GRM8: variants seen among roughly 807,000 people sequenced by gnomAD.
The protein encoded by GRM8 is glutamate metabotropic receptor 8.
Under a neutral mutation model 87.2 loss-of-function variants are expected in GRM8, and 47 were observed. That is an observed-to-expected ratio of 0.54 (90% CI 0.43 to 0.69). GRM8 has a LOEUF of 0.69. Ranked by LOEUF, GRM8 falls within the 30% of genes least tolerant of loss-of-function variation. The pLI is 0.00. For synonymous variants in GRM8, 396 were observed against 404.5 expected (o/e 0.98, Z 0.25); for missense variants, 1,019 against 1,139.2 (o/e 0.89, Z 1.52).
chr7:126,560,809 A>G (rs1297382752), intron 8 of GRM8, among the ~76,000 whole-genome samples: 1 of 152,222 alleles, frequency 6.6e-6, no homozygotes, highest in Non-Finnish European at 1.5e-5. Flanking sequence ...ATAGAAATGA[A>G]TCAAATGCAT....
At chr7:126,855,510 C>T (rs772964055) in intron 6 of GRM8, among the ~76,000 whole-genome samples, 1 of 142,752 alleles carries the variant, frequency 7.0e-6, no homozygotes, top group Non-Finnish European at 1.5e-5. Flanking sequence ...CTCGTTCTAT[C>T]CCCCAGCCAG....
Position 126,887,154 on chromosome 7 carries a change from T to C in GRM8, c.1156+15388A>G, listed in dbSNP as rs571725146. ...CAGAGAGTGTTTCAAGAAGTAGAGT[T>C]AGAGAGAAAGAATCAACTAGAGATA... is the stretch of plus-strand genomic sequence containing the variant. On this transcript the variant is annotated intron_variant, in intron 6 of 10. Transcript: ENST00000339582. Among the ~76,000 whole-genome samples, 10 of 152,144 alleles carry C rather than the reference T, an allele frequency of 6.6e-5. 1 individual carries two copies. Among genetic ancestry groups the C allele is most frequent in the Admixed American group, 5.9e-4 (9 of 15,268 alleles).
intron 2 of GRM8, among the ~76,000 whole-genome samples, chr7:127,233,466 C>G (rs1386818895): frequency 1.3e-5 from 2 of 152,112 alleles, no homozygotes; most frequent in Non-Finnish European, 2.9e-5. Context: ...GACGATAAAT[C>G]ACTCTGAAAA....
intron 3 of GRM8, among the ~76,000 whole-genome samples, chr7:127,091,411 G>A (rs916608): frequency 0.48 from 22,143 of 46,560 alleles, 3,326 homozygotes; most frequent in Non-Finnish European, 0.53. Context: ...CACCATCCCC[G>A]TCTCACTGAT....
At chr7:126,790,953 T>C (rs1372113001) in intron 6 of GRM8, among the ~76,000 whole-genome samples, 1 of 152,046 alleles carries the variant, frequency 6.6e-6, no homozygotes, top group Non-Finnish European at 1.5e-5. Flanking sequence ...TGCGGGGCAG[T>C]TGGTAGGAAA....
At chr7:126,759,327 C>T (rs1253857921) in intron 7 of GRM8, among the ~76,000 whole-genome samples, 3 of 152,106 alleles carry the variant, frequency 2.0e-5, no homozygotes, top group Admixed American at 6.6e-5. Context: ...AAGCAAAATA[C>T]TGCTACTGCT....
At chr7:126,503,863 T>C (rs902977940) in intron 9 of GRM8, among the ~76,000 whole-genome samples, 3 of 152,030 alleles carry the variant, frequency 2.0e-5, no homozygotes, top group African/African-American at 7.2e-5. Flanking sequence ...CACTGTTTGA[T>C]TCTCTAGCTC....
chr7:126,754,230 C>A (rs75697224), intron 7 of GRM8, among the ~76,000 whole-genome samples: 4,501 of 151,844 alleles, frequency 0.03, 254 homozygotes, highest in African/African-American at 0.1. Context: ...AAACACCTTT[C>A]CCATGGGGCC....
At chr7:126,977,521 A>G (rs1050502043) in intron 3 of GRM8, among the ~76,000 whole-genome samples, 28 of 152,378 alleles carry the variant, frequency 1.8e-4, no homozygotes, top group Non-Finnish European at 3.5e-4. Flanking sequence ...CTTCTTTGAT[A>G]TAATTCCTAA....
intron 7 of GRM8, among the ~76,000 whole-genome samples, chr7:126,718,050 G>C (rs748592904): frequency 2.0e-5 from 3 of 151,916 alleles, no homozygotes; most frequent in Non-Finnish European, 4.4e-5. Context: ...GGCCAACACG[G>C]TGAAACCCCG....
At chr7:127,106,143 T>G (rs1825786280) in intron 3 of GRM8, among the ~76,000 whole-genome samples, 1 of 152,246 alleles carries the variant, frequency 6.6e-6, no homozygotes, top group Non-Finnish European at 1.5e-5. Context: ...TTAAATTTAA[T>G]GACTTGCTAA....
chr7:126,623,797 G>C (rs563877943), intron 7 of GRM8, among the ~76,000 whole-genome samples: 3 of 152,264 alleles, frequency 2.0e-5, no homozygotes, highest in African/African-American at 7.2e-5. Flanking sequence ...CCATATCTAG[G>C]CCAGGCATGG....
intron 2 of GRM8, among the ~76,000 whole-genome samples, chr7:127,197,802 A>G (rs550055854): frequency 5.3e-5 from 8 of 152,220 alleles, no homozygotes; most frequent in Admixed American, 4.6e-4. Context: ...TCTCAGAGGC[A>G]TCTACTACTA....
intron 9 of GRM8, among the ~76,000 whole-genome samples, chr7:126,473,864 G>A (rs917398273): frequency 1.3e-5 from 2 of 151,994 alleles, no homozygotes; most frequent in Non-Finnish European, 2.9e-5. Flanking sequence ...CAGTTACCCT[G>A]AACACACTCT....
chr7:126,445,880 A>T (rs753833319), intron 10 of GRM8, among the ~76,000 whole-genome samples: 2 of 151,990 alleles, frequency 1.3e-5, no homozygotes, highest in Admixed American at 1.3e-4. Flanking sequence ...CTTCAAAAGA[A>T]AGATCTGAAT....
At chr7:127,205,192 AT>A (rs1212117559) in intron 2 of GRM8, among the ~76,000 whole-genome samples, 1 of 152,034 alleles carries the variant, frequency 6.6e-6, no homozygotes, top group Non-Finnish European at 1.5e-5. Flanking sequence ...CCTGTATGTT[AT>A]TTTTTTCCAG....
At chr7:126,720,317 ATT>A (rs565424874) in intron 7 of GRM8, among the ~76,000 whole-genome samples, 1 of 150,972 alleles carries the variant, frequency 6.6e-6, no homozygotes, top group South Asian at 2.1e-4. Context: ...AATTTTTTAA[ATT>A]TTTTTTTGTA....
At chr7:127,127,663 AG>A in intron 2 of GRM8, among the ~76,000 whole-genome samples, 1 of 152,176 alleles carries the variant, frequency 6.6e-6, no homozygotes, top group Non-Finnish European at 1.5e-5. Context: ...GCACAAGGAA[AG>A]TTTTTAGGTG....
intron 2 of GRM8, among the ~76,000 whole-genome samples, chr7:127,177,526 T>C (rs966326157): frequency 3.9e-5 from 6 of 152,236 alleles, no homozygotes; most frequent in Non-Finnish European, 8.8e-5. Flanking sequence ...TGTCACCTCC[T>C]GGCAGGAGGC....
Sources: allele counts gnomAD v4.1 joint callset (sites outside exome capture counted in the v4.1 genomes callset), GRCh38; gene constraint gnomAD v4.1.1; transcripts MANE v1.5; gene names NCBI Gene and HGNC (gene_info 2026-07-23, HGNC 2026-07-21).